Variants in HADH observed in about 807,000 individuals in gnomAD.
HADH encodes hydroxyacyl-coenzyme A dehydrogenase, mitochondrial.
In HADH, 24 loss-of-function variants were observed where a neutral mutation model predicts 32.2. The observed-to-expected ratio is 0.75, with a 90% CI of 0.54 to 1.05. The LOEUF is 1.05. Ranked by LOEUF, HADH falls within the 50% of genes least tolerant of loss-of-function variation. The pLI is 0.00. For missense variants in HADH, 350 were observed against 397.1 expected (o/e 0.88, Z 1.01); for synonymous variants, 139 against 152.5 (o/e 0.91, Z 0.65).
chr4:108,011,772 C>T (rs1440674542), intron 2 of HADH, among the ~76,000 whole-genome samples: 3 of 152,170 alleles, frequency 2.0e-5, no homozygotes, highest in African/African-American at 4.8e-5. Context: ...CAGCAATGTA[C>T]GAAGGTTCCA....
chr4:108,017,727 G>A (rs1316387638), intron 3 of HADH, among the ~76,000 whole-genome samples: 1 of 151,966 alleles, frequency 6.6e-6, no homozygotes, highest in African/African-American at 2.4e-5. Flanking sequence ...GCTAATTTTT[G>A]TATTTTTAGT....
intron 6 of HADH, chr4:108,031,665 T>C (rs1341368393): frequency 6.6e-6 from 1 of 152,090 alleles, no homozygotes. Context: ...TGTGAGTAAA[T>C]CTCTCCATCT....
Position 108,023,709 on chromosome 4 carries a change from G to A in HADH, c.636+146G>A, listed in dbSNP as rs771815071. The A allele has an allele frequency of 1.9e-5, 13 of 690,606 alleles. 1 individual carries two copies. The highest frequency in any genetic ancestry group is 4.5e-5 in the South Asian group (3 of 66,354). 42.8% of individuals were successfully genotyped at this position (690,606 alleles called of 1,614,324 possible). On this transcript the variant is annotated intron_variant, in intron 5 of 7. Transcript: ENST00000309522. ...GTCCACATGCTGTAAAGAGCAATCC[G>A]TGCCTCCTGTTCTAGTTTGTAGACA...
chr4:108,003,557 A>G (rs1393766679), intron 1 of HADH, among the ~76,000 whole-genome samples: 1 of 152,164 alleles, frequency 6.6e-6, no homozygotes, highest in Admixed American at 6.5e-5. Context: ...GTGGTAAAGC[A>G]AAGGCCAGCC....
chr4:107,991,273 C>A (rs1734795526), intron 1 of HADH, among the ~76,000 whole-genome samples: 2 of 151,924 alleles, frequency 1.3e-5, no homozygotes, highest in South Asian at 4.1e-4. Flanking sequence ...TTGGGGAAGG[C>A]GGTTATAGTC....
intron 1 of HADH, among the ~76,000 whole-genome samples, chr4:108,002,697 A>G (rs374177221): frequency 2.4e-4 from 37 of 152,312 alleles, no homozygotes; most frequent in African/African-American, 7.9e-4. Flanking sequence ...ATGCAGCAGC[A>G]AGGCACCATC....
At chr4:107,994,802 G>A (rs1028957315) in intron 1 of HADH, among the ~76,000 whole-genome samples, 6 of 152,184 alleles carry the variant, frequency 3.9e-5, no homozygotes, top group African/African-American at 1.4e-4. Flanking sequence ...GAGGTACTGG[G>A]ATGTAGAACC....
intron 2 of HADH, among the ~76,000 whole-genome samples, chr4:108,011,072 C>G (rs905919973): frequency 5.9e-5 from 9 of 152,166 alleles, no homozygotes; most frequent in Non-Finnish European, 1.2e-4. Context: ...TGGTTTCAAT[C>G]TCTTGACCTT....
intron 3 of HADH, among the ~76,000 whole-genome samples, chr4:108,017,577 G>A (rs556823267): frequency 5.4e-5 from 8 of 149,346 alleles, no homozygotes; most frequent in South Asian, 2.1e-4. Flanking sequence ...TTTTTGAGAC[G>A]GAGTCTCGCT....
At chr4:108,012,921 C>T (rs1301773485) in intron 2 of HADH, among the ~76,000 whole-genome samples, 1 of 152,176 alleles carries the variant, frequency 6.6e-6, no homozygotes, top group East Asian at 1.9e-4. Context: ...AGATATTCTT[C>T]ACCTGTCCCT....
chr4:108,011,733 G>A (rs1215720877), intron 2 of HADH, among the ~76,000 whole-genome samples: 1 of 152,166 alleles, frequency 6.6e-6, no homozygotes, highest in African/African-American at 2.4e-5. Flanking sequence ...ATTGTTTTCT[G>A]TAGTGACTGC....
At chr4:108,018,637 C>G (rs1218299322) in intron 3 of HADH, among the ~76,000 whole-genome samples, 2 of 152,060 alleles carry the variant, frequency 1.3e-5, no homozygotes, top group Non-Finnish European at 2.9e-5. Context: ...CTGATTTGAG[C>G]AGATTATAGT....
intron 1 of HADH, among the ~76,000 whole-genome samples, chr4:108,006,887 T>G (rs1002370158): frequency 1.3e-5 from 2 of 152,190 alleles, no homozygotes; most frequent in Non-Finnish European, 2.9e-5. Context: ...ATGTGTTAGT[T>G]TCACTTACTA....
At chr4:108,030,163 A>G (rs1037684256) in intron 6 of HADH, 11 of 152,230 alleles carry the variant, frequency 7.2e-5, no homozygotes, top group Non-Finnish European at 1.3e-4. Flanking sequence ...TGCCATCTAC[A>G]AGCTCTGCCA....
chr4:108,016,598 G>A (rs1735703332), intron 3 of HADH, among the ~76,000 whole-genome samples: 1 of 152,158 alleles, frequency 6.6e-6, no homozygotes, highest in African/African-American at 2.4e-5. Flanking sequence ...GATCTTTATT[G>A]AAAAGATTGG....
chr4:108,023,053 G>A (rs1735946094), intron 4 of HADH, among the ~76,000 whole-genome samples: 2 of 150,460 alleles, frequency 1.3e-5, no homozygotes, highest in African/African-American at 4.9e-5. Flanking sequence ...GAGTGCAGTG[G>A]CATGATCTCG....
At position 108,027,766 on chromosome 4, in the gene HADH, C is replaced by T; in HGVS notation, c.709+6C>T. On this transcript the variant is annotated splice_donor_region_variant and intron_variant, in intron 6 of 7. Coordinates refer to ENST00000309522, the MANE Select transcript of HADH (RefSeq NM_005327.7). Reference sequence around the variant, plus strand: ...AATCAGGCTGTATGAACGAGGTATCCTTCTGACCCAGGCCAGGAGCAGCAG... The same window carrying T: ...AATCAGGCTGTATGAACGAGGTATCTTTCTGACCCAGGCCAGGAGCAGCAG... 6.4e-7 allele frequency: 1 copy of T among 1,571,028 alleles called. No homozygotes were observed. The highest frequency in any genetic ancestry group is 1.3e-5 in the African/African-American group (1 of 74,176).
chr4:108,025,273 G>A (rs925914297), intron 5 of HADH: 1 of 152,202 alleles, frequency 6.6e-6, no homozygotes, highest in African/African-American at 2.4e-5. Context: ...CCTTCCTAGT[G>A]AGACTTCATG....
In HADH at chr4:108,028,030, G is replaced by A. The variant is rs1168583174; in HGVS notation, c.709+270G>A. 1.7e-5 allele frequency: 9 copies of A among 538,702 alleles called. No homozygotes were observed. In the Admixed American group the frequency reaches 2.8e-4, roughly 17 times the overall value. The allele number at this position is 538,702 out of a possible 1,614,324, so 33.4% of individuals were successfully genotyped here. ...CCCAGCCAGAGCAATTGCATGGCCG[G>A]CCCAGATTGATATCCTGGATCTCTG... On this transcript the variant is annotated intron_variant, in intron 6 of 7. Coordinates refer to ENST00000309522, the MANE Select transcript of HADH (RefSeq NM_005327.7).
Sources: gnomAD v4.1 joint callset for allele counts (sites outside exome capture counted in the v4.1 genomes callset) on GRCh38, gnomAD v4.1.1 for gene constraint, MANE v1.5 for transcripts, NCBI Gene and HGNC (gene_info 2026-07-23, HGNC 2026-07-21) for gene names.